PTPRG: variants seen among roughly 807,000 people sequenced by gnomAD.
PTPRG encodes the protein receptor-type tyrosine-protein phosphatase gamma.
A neutral mutation model predicts 165.3 loss-of-function variants in PTPRG; 102 were observed. The ratio of observed to expected loss-of-function variants is 0.62; its 90% CI spans 0.53 to 0.73. The LOEUF (loss-of-function observed/expected upper bound fraction) is 0.73. Among genes scored for constraint, PTPRG ranks in the 30% least tolerant of loss-of-function variants. PTPRG has a pLI of 0.00. For synonymous variants in PTPRG, 675 were observed against 669.5 expected, an observed-to-expected ratio of 1.01 and a Z score of -0.13; for missense variants, 1,866 against 1,861.4, an observed-to-expected ratio of 1.00 and a Z score of -0.05.
At chr3:61,644,280 G>A (rs1702142459) in intron 1 of PTPRG, among the ~76,000 whole-genome samples, 1 of 152,066 alleles carries the variant, frequency 6.6e-6, no homozygotes, top group Non-Finnish European at 1.5e-5. Flanking sequence ...ATTTTTTTAT[G>A]CCTTGTGAAA....
chr3:61,927,199 C>CT lies in PTPRG; in HGVS notation c.191-62418dup, dbSNP rs566717626. Among the ~76,000 whole-genome samples the CT allele has an allele frequency of 8.4e-3, 1,278 of 152,178 alleles. 22 individuals carry two copies. Among genetic ancestry groups the CT allele is most frequent in the African/African-American group, 0.029 (1,216 of 41,498 alleles). On this transcript the variant is annotated intron_variant, in intron 2 of 29. Coordinates refer to ENST00000474889, the MANE Select transcript of PTPRG (RefSeq NM_002841.4). ...ACATTAGCTTACTAAGCATAAAGAA[C>CT]TTTTTTTTCCTCCCAGCTATATATT...
rs546060493 is a variant in PTPRG, at chr3:61,761,590, C to CAAAG, written c.190+12611_190+12612insGAAA. On this transcript the variant is annotated intron_variant, in intron 2 of 29. Coordinates refer to ENST00000474889, the MANE Select transcript of PTPRG (RefSeq NM_002841.4). Reference sequence around the variant, plus strand: ...GAGACTCCGCCTCAAAACAAAGAAACAAACAAACAAACAAACAAACCGTCA... The same window carrying CAAAG: ...GAGACTCCGCCTCAAAACAAAGAAACAAAGAAACAAACAAACAAACAAACCGTCA... 4.9e-4 allele frequency among the ~76,000 whole-genome samples: 75 copies of CAAAG among 151,730 alleles called. No individual in the cohort carries two copies. The South Asian group carries it at 0.012, about 24-fold the overall frequency.
rs1430389804 is a variant in PTPRG at position 62,157,260 on chromosome 3, A to G, written c.840+36A>G. 7 of 1,602,310 alleles carry G rather than the reference A, an allele frequency of 4.4e-6. No homozygotes were observed. The African/African-American group carries it at 9.4e-5, about 21-fold the overall frequency. The stretch of plus-strand genomic sequence containing the variant: ...TTCCTCAAGTGGGGTTTCTGTGTTT[A>G]CTTGTTTTGTATTGACTTAACGATC... On this transcript the variant is annotated intron_variant, in intron 7 of 29. Coordinates refer to ENST00000474889, the MANE Select transcript of PTPRG (RefSeq NM_002841.4).
chr3:61,840,372 C>A (rs2036588871), intron 2 of PTPRG, among the ~76,000 whole-genome samples: 1 of 152,066 alleles, frequency 6.6e-6, no homozygotes, highest in Non-Finnish European at 1.5e-5. Context: ...TTTTTAAGCC[C>A]ATATAATTCA....
At chr3:61,806,202 G>A (rs145749854) in intron 2 of PTPRG, among the ~76,000 whole-genome samples, 2 of 152,292 alleles carry the variant, frequency 1.3e-5, no homozygotes, top group African/African-American at 4.8e-5. Context: ...CTTTTAAAGT[G>A]GAGGGAGGGG....
chr3:62,159,597 A>G (rs1704669378), intron 7 of PTPRG, among the ~76,000 whole-genome samples: 1 of 152,172 alleles, frequency 6.6e-6, no homozygotes, highest in South Asian at 2.1e-4. Flanking sequence ...CTTTTTAAAT[A>G]TCTCCTCACT....
rs1443258302 is a variant in PTPRG, at chr3:62,293,535, T to C, written c.*228T>C. ...ACGCAATTTTACCTAGTTTGCACTA[T>C]ATGATCAGTGTTACTGCCTATAATC... On this transcript the variant is annotated 3_prime_UTR_variant, in exon 30 of 30. Transcript: ENST00000474889. The C allele has an allele frequency of 5.2e-6, 2 of 381,532 alleles. No individual in the cohort carries two copies. Among genetic ancestry groups the C allele is most frequent in the African/African-American group, 2.1e-5 (1 of 48,298 alleles). 23.6% of individuals were successfully genotyped at this position (381,532 alleles called of 1,614,324 possible). A position where few individuals can be genotyped will look rare whatever the true frequency, so the allele number is the denominator to read the frequency against.
At chr3:61,849,464 C>G (rs2036898099) in intron 2 of PTPRG, among the ~76,000 whole-genome samples, 1 of 152,148 alleles carries the variant, frequency 6.6e-6, no homozygotes, top group Admixed American at 6.5e-5. Flanking sequence ...TTTGAAAGCT[C>G]TCCCTGAAAG....
At chr3:61,656,033 A>G (rs1702499941) in intron 1 of PTPRG, among the ~76,000 whole-genome samples, 1 of 142,526 alleles carries the variant, frequency 7.0e-6, no homozygotes, top group Non-Finnish European at 1.5e-5. Context: ...TGGGCAACAT[A>G]GCAAGACCCC....
chr3:61,751,857 G>A (rs1276902972), intron 2 of PTPRG, among the ~76,000 whole-genome samples: 1 of 152,114 alleles, frequency 6.6e-6, no homozygotes, highest in African/African-American at 2.4e-5. Flanking sequence ...GCCAGGCGTA[G>A]CGGTGGGCGC....
At position 62,271,550 on chromosome 3, in the gene PTPRG, C is replaced by T. The variant is rs1161167542; in HGVS notation, c.3177C>T (p.His1059=). ...RMPETGPVLV[H]CSAGVGRTGT... ...CAGAAACGGGCCCTGTGTTGGTGCA[C>T]TGCAGGTAGGGTCTAGGATTCAACA... Residue 1059 remains histidine, a synonymous_variant, in exon 21 of 30, where the codon CAC becomes CAT. Coordinates refer to ENST00000474889, the MANE Select transcript of PTPRG (RefSeq NM_002841.4). The surrounding 1 kb of genome is among the most constrained non-coding windows in gnomAD (Gnocchi z 4.1). 2 of 1,612,740 alleles carry T rather than the reference C, an allele frequency of 1.2e-6. No homozygotes were observed. Among genetic ancestry groups the T allele is most frequent in the Non-Finnish European group, 1.7e-6 (2 of 1,179,218 alleles).
At chr3:62,049,122 A>AAG (rs1458996336) in intron 4 of PTPRG, among the ~76,000 whole-genome samples, 3 of 143,754 alleles carry the variant, frequency 2.1e-5, no homozygotes, top group African/African-American at 7.5e-5. Flanking sequence ...AAACAAAACA[A>AAG]AAAAAAAAAC....
intron 1 of PTPRG, among the ~76,000 whole-genome samples, chr3:61,645,165 A>G (rs1487114484): frequency 6.6e-6 from 1 of 152,240 alleles, no homozygotes; most frequent in East Asian, 1.9e-4. Context: ...AGAGTTACCA[A>G]ATATTGACAA....
At chr3:62,136,619 G>C (rs929366776) in intron 6 of PTPRG, among the ~76,000 whole-genome samples, 4 of 152,210 alleles carry the variant, frequency 2.6e-5, no homozygotes, top group Non-Finnish European at 5.9e-5. Flanking sequence ...CGTGTTGTGG[G>C]AGGGACCCAG....
At chr3:62,041,052 GTC>G (rs1335873389) in intron 4 of PTPRG, among the ~76,000 whole-genome samples, 1 of 152,196 alleles carries the variant, frequency 6.6e-6, no homozygotes, top group Non-Finnish European at 1.5e-5. Flanking sequence ...ACCATTCAGT[GTC>G]TCTGTCTCTT....
At chr3:61,579,347 A>G (rs1700232122) in intron 1 of PTPRG, among the ~76,000 whole-genome samples, 1 of 152,158 alleles carries the variant, frequency 6.6e-6, no homozygotes, top group Non-Finnish European at 1.5e-5. Context: ...GAAAGCCCCA[A>G]GGGAAGAACA....
chr3:62,238,462 TGA>T (rs1157284037), intron 14 of PTPRG, among the ~76,000 whole-genome samples: 3 of 152,120 alleles, frequency 2.0e-5, no homozygotes, highest in Non-Finnish European at 1.5e-5. Flanking sequence ...AAATAAATAT[TGA>T]CAACTTCAAT....
intron 4 of PTPRG, among the ~76,000 whole-genome samples, chr3:62,013,884 T>C (rs2041483024): frequency 6.6e-6 from 1 of 152,094 alleles, no homozygotes; most frequent in Non-Finnish European, 1.5e-5. Context: ...CAGAATCCAC[T>C]TCCAAGCTCG....
At chr3:61,813,327 TAA>T (rs757811011) in intron 2 of PTPRG, among the ~76,000 whole-genome samples, 1,604 of 87,462 alleles carry the variant, frequency 0.018, 35 homozygotes, top group African/African-American at 0.064. Flanking sequence ...CCATGATTAC[TAA>T]AAAAAAAAAA....
Sources: allele counts gnomAD v4.1 joint callset (sites outside exome capture counted in the v4.1 genomes callset), GRCh38; gene constraint gnomAD v4.1.1; non-coding constraint Gnocchi (gnomAD v3.1); transcripts MANE v1.5; gene names NCBI Gene and HGNC (gene_info 2026-07-23, HGNC 2026-07-21).